Variants in IQCM observed in about 807,000 individuals in gnomAD.
The protein encoded by IQCM is IQ domain-containing protein M.
A neutral mutation model predicts 57.6 loss-of-function variants in IQCM; 45 were observed. The observed-to-expected ratio is 0.78, with a 90% CI of 0.62 to 1.00. The LOEUF (loss-of-function observed/expected upper bound fraction) is 1.00, where lower values mean the gene tolerates loss of function less well. IQCM is among the 50% of genes least tolerant of loss of function. The pLI is 0.00. For missense variants in IQCM, 468 were observed against 511.6 expected (o/e 0.91, Z 0.82); for synonymous variants, 148 against 158.9 (o/e 0.93, Z 0.51).
At chr4:149,721,923 A>C (rs1233919203) in intron 5 of IQCM, among the ~76,000 whole-genome samples, 1 of 152,058 alleles carries the variant, frequency 6.6e-6, no homozygotes, top group Admixed American at 6.6e-5. Flanking sequence ...GCACATAAGC[A>C]TTCCCTTTTC....
chr4:149,553,133 C>T lies in IQCM; in HGVS notation c.1093+10G>A. On this transcript the variant is annotated intron_variant, in intron 11 of 13. Transcript: ENST00000636793. The stretch of plus-strand genomic sequence containing the variant: ...CTTAAATTCAAACCAGAAGTGTCTG[C>T]ATCACTTACATTTTTTTCGGTCCAT... 8.1e-7 allele frequency: 1 copy of T among 1,231,592 alleles called. No homozygotes were observed. Among genetic ancestry groups the T allele is most frequent in the Non-Finnish European group, 1.0e-6 (1 of 987,502 alleles). 76.3% of individuals were successfully genotyped at this position (1,231,592 alleles called of 1,614,324 possible). A position where few individuals can be genotyped will look rare whatever the true frequency, so the allele number is the denominator to read the frequency against.
At chr4:149,676,295 G>T (rs1391760763) in intron 7 of IQCM, among the ~76,000 whole-genome samples, 1 of 152,080 alleles carries the variant, frequency 6.6e-6, no homozygotes, top group Non-Finnish European at 1.5e-5. Flanking sequence ...AATTCACAAT[G>T]TGATAGCGAA....
intron 7 of IQCM, among the ~76,000 whole-genome samples, chr4:149,634,839 C>A (rs1757591362): frequency 6.6e-6 from 1 of 152,076 alleles, no homozygotes; most frequent in African/African-American, 2.4e-5. Flanking sequence ...TTTTATAATA[C>A]AAGCTGAAAA....
chr4:149,408,415 C>T (rs963349045), intron 13 of IQCM, among the ~76,000 whole-genome samples: 3 of 152,150 alleles, frequency 2.0e-5, no homozygotes, highest in African/African-American at 4.8e-5. Context: ...TGATATACTA[C>T]GCCATCTGAA....
intron 13 of IQCM, 121 bp downstream of exon 13, chr4:149,433,275 A>G (rs1439423056): frequency 8.5e-6 from 4 of 471,670 alleles, no homozygotes; most frequent in African/African-American, 8.0e-5. Flanking sequence ...AGAAGTAAAG[A>G]GAACATTCTA....
chr4:149,698,037 T>G (rs936129390), intron 5 of IQCM, among the ~76,000 whole-genome samples: 3 of 152,052 alleles, frequency 2.0e-5, no homozygotes, highest in Non-Finnish European at 4.4e-5. Flanking sequence ...GAATTTCAGA[T>G]TTGATGTAAG....
intron 12 of IQCM, among the ~76,000 whole-genome samples, chr4:149,450,261 A>G (rs764093948): frequency 2.6e-5 from 4 of 151,928 alleles, no homozygotes; most frequent in African/African-American, 4.8e-5. Context: ...AACTACTACC[A>G]GAAAACATTG....
intron 12 of IQCM, among the ~76,000 whole-genome samples, chr4:149,472,445 CAA>C (rs1215111144): frequency 1.3e-5 from 2 of 152,268 alleles, no homozygotes; most frequent in East Asian, 1.9e-4. Context: ...AGGAGAACTA[CAA>C]ACCACTGCCC....
chr4:149,672,341 G>GATGTT (rs1238446474), intron 7 of IQCM, among the ~76,000 whole-genome samples: 1 of 152,148 alleles, frequency 6.6e-6, no homozygotes, highest in Non-Finnish European at 1.5e-5. Context: ...GCTAAAGGAG[G>GATGTT]ATGTTCGAAC....
At chr4:149,392,697 C>A (rs535096499) in intron 13 of IQCM, among the ~76,000 whole-genome samples, 30 of 151,982 alleles carry the variant, frequency 2.0e-4, no homozygotes, top group African/African-American at 6.0e-4. Flanking sequence ...GAAGCCAGGG[C>A]AAATCTTTGC....
intron 2 of IQCM, among the ~76,000 whole-genome samples, chr4:149,788,071 T>C (rs918683622): frequency 6.6e-5 from 10 of 152,220 alleles, no homozygotes; most frequent in Non-Finnish European, 1.5e-4. Context: ...GTGGGGCTCA[T>C]GCCTGTAATT....
chr4:149,571,512 G>A lies in IQCM; in HGVS notation c.750-7622C>T, dbSNP rs188454171. On this transcript the variant is annotated intron_variant, in intron 9 of 13. Transcript: ENST00000636793. ...TGGGAGCAGGTGTTAGGGAGATGTT[G>A]GCCAAAGGATATAAAATGGTATTTA... Among the ~76,000 whole-genome samples the A allele has an allele frequency of 3.1e-3, 465 of 152,080 alleles. 7 individuals are homozygous for A. Among genetic ancestry groups the A allele is most frequent in the African/African-American group, 0.011 (442 of 41,510 alleles).
chr4:149,500,690 C>T (rs1050756203), intron 12 of IQCM, among the ~76,000 whole-genome samples: 2 of 152,066 alleles, frequency 1.3e-5, no homozygotes, highest in Non-Finnish European at 2.9e-5. Context: ...AAGCAGATGG[C>T]TTGTATATAT....
chr4:149,538,779 A>T (rs1047089884), intron 12 of IQCM, among the ~76,000 whole-genome samples: 7 of 151,944 alleles, frequency 4.6e-5, no homozygotes, highest in African/African-American at 1.7e-4. Flanking sequence ...TAACACCACA[A>T]GCATACCCCA....
chr4:149,429,049 G>A (rs545349421), intron 13 of IQCM, among the ~76,000 whole-genome samples: 31 of 151,918 alleles, frequency 2.0e-4, no homozygotes, highest in African/African-American at 7.5e-4. Flanking sequence ...TGATTTTCTA[G>A]AAAGATAATA....
At chr4:149,466,312 C>T in intron 12 of IQCM, among the ~76,000 whole-genome samples, 1 of 152,224 alleles carries the variant, frequency 6.6e-6, no homozygotes. Context: ...TGAGGTCTAA[C>T]AATAACAATA....
intron 7 of IQCM, among the ~76,000 whole-genome samples, chr4:149,650,245 A>G (rs886636187): frequency 6.6e-6 from 1 of 152,048 alleles, no homozygotes; most frequent in Non-Finnish European, 1.5e-5. Flanking sequence ...ACAGGAAGAC[A>G]GTTTTGTGAA....
intron 13 of IQCM, among the ~76,000 whole-genome samples, chr4:149,419,047 T>C (rs1056159227): frequency 1.3e-5 from 2 of 152,116 alleles, no homozygotes; most frequent in African/African-American, 4.8e-5. Flanking sequence ...GTCAATATCA[T>C]GAAAGTGGCC....
intron 8 of IQCM, among the ~76,000 whole-genome samples, chr4:149,619,729 T>C (rs1756151237): frequency 6.6e-6 from 1 of 152,192 alleles, no homozygotes; most frequent in Non-Finnish European, 1.5e-5. Context: ...CCTTTGAAAT[T>C]CATATGTAGA....
Sources: gnomAD v4.1 joint callset for allele counts (sites outside exome capture counted in the v4.1 genomes callset) on GRCh38, gnomAD v4.1.1 for gene constraint, MANE v1.5 for transcripts, NCBI Gene and HGNC (gene_info 2026-07-23, HGNC 2026-07-21) for gene names.